HS6ST3: variants seen among roughly 807,000 people sequenced by gnomAD.
The protein encoded by HS6ST3 is heparan-sulfate 6-O-sulfotransferase 3.
A neutral mutation model predicts 36.7 loss-of-function variants in HS6ST3; 12 were observed. That is an observed-to-expected ratio of 0.33 (90% CI 0.21 to 0.53). HS6ST3 has a LOEUF of 0.53. Ranked by LOEUF, HS6ST3 falls within the 20% of genes least tolerant of loss-of-function variation. The probability of loss-of-function intolerance (pLI) is 0.95; values close to 1 mark genes in which losing one functional copy is unlikely to be tolerated. For synonymous variants in HS6ST3, 240 were observed against 257.5 expected (o/e 0.93, Z 0.65); for missense variants, 584 against 640.9 (o/e 0.91, Z 0.96).
chr13:96,804,618 A>AT (rs879622817), intron 1 of HS6ST3, among the ~76,000 whole-genome samples: 1,541 of 147,780 alleles, frequency 0.01, 19 homozygotes, highest in African/African-American at 0.033. Flanking sequence ...GCAAAGAATC[A>AT]TTTTTTTTTT....
intron 1 of HS6ST3, among the ~76,000 whole-genome samples, chr13:96,525,734 G>A (rs1003417187): frequency 6.6e-6 from 1 of 152,084 alleles, no homozygotes; most frequent in African/African-American, 2.4e-5. Context: ...GTACCTATTA[G>A]GAATGAACGT....
intron 1 of HS6ST3, among the ~76,000 whole-genome samples, chr13:96,368,479 G>A (rs1004905316): frequency 1.3e-5 from 2 of 150,924 alleles, no homozygotes; most frequent in African/African-American, 4.9e-5. Flanking sequence ...CCAGACTCTA[G>A]CCAGCAAGCC....
chr13:96,378,806 A>G (rs1355358263), intron 1 of HS6ST3, among the ~76,000 whole-genome samples: 1 of 152,128 alleles, frequency 6.6e-6, no homozygotes, highest in East Asian at 1.9e-4. Flanking sequence ...TAAAGCGGTG[A>G]CTTTTCTAAT....
chr13:96,285,501 T>C (rs1229223248), intron 1 of HS6ST3, among the ~76,000 whole-genome samples: 1 of 152,146 alleles, frequency 6.6e-6, no homozygotes, highest in East Asian at 1.9e-4. Flanking sequence ...GAATAGGGAA[T>C]TGGGCTCTTA....
chr13:96,392,456 A>G (rs2055400689), intron 1 of HS6ST3, among the ~76,000 whole-genome samples: 1 of 152,200 alleles, frequency 6.6e-6, no homozygotes, highest in Admixed American at 6.5e-5. Context: ...CAAACAGCAC[A>G]TGAAAAAGAG....
At chr13:96,265,037 C>G (rs187003047) in intron 1 of HS6ST3, among the ~76,000 whole-genome samples, 59 of 152,176 alleles carry the variant, frequency 3.9e-4, no homozygotes, top group Middle Eastern at 3.4e-3. Flanking sequence ...GTCTTAGAGT[C>G]CAACTTACTT....
At position 96,819,455 on chromosome 13, in the gene HS6ST3, G is replaced by GA. The variant is rs573818148; in HGVS notation, c.708-13028dup. On this transcript the variant is annotated intron_variant, in intron 1 of 1. Coordinates refer to ENST00000376705, the MANE Select transcript of HS6ST3 (RefSeq NM_153456.4). ...GTCTCCTTTTTCAGTTGATTTCAAA[G>GA]AAAAAAATGAGCTAATATCAGTGAA... is the stretch of plus-strand genomic sequence containing the variant. Among the ~76,000 whole-genome samples, 7 of 152,136 alleles carry GA rather than the reference G, an allele frequency of 4.6e-5. No homozygotes were observed. In the South Asian group the frequency reaches 1.0e-3, roughly 23 times the overall value.
intron 1 of HS6ST3, among the ~76,000 whole-genome samples, chr13:96,234,100 T>TAA (rs550848346): frequency 6.4e-5 from 9 of 139,702 alleles, no homozygotes; most frequent in South Asian, 4.5e-4. Flanking sequence ...TTTCATCTGT[T>TAA]AAAAAAAAAA....
chr13:96,723,087 A>G (rs1157428054), intron 1 of HS6ST3, among the ~76,000 whole-genome samples: 3 of 151,656 alleles, frequency 2.0e-5, no homozygotes, highest in Non-Finnish European at 4.4e-5. Context: ...TGTATACCCA[A>G]TGTCTCTGTT....
At chr13:96,693,257 T>G (rs924450526) in intron 1 of HS6ST3, among the ~76,000 whole-genome samples, 1 of 152,178 alleles carries the variant, frequency 6.6e-6, no homozygotes. Flanking sequence ...TAATGTTTGA[T>G]AGAAATAACT....
intron 1 of HS6ST3, among the ~76,000 whole-genome samples, chr13:96,683,778 C>A (rs1373949394): frequency 6.6e-6 from 1 of 152,014 alleles, no homozygotes; most frequent in African/African-American, 2.4e-5. Context: ...AGTCACATAG[C>A]ATAATAGAAG....
chr13:96,673,921 CTCTT>C (rs1225030818), intron 1 of HS6ST3, among the ~76,000 whole-genome samples: 1 of 151,680 alleles, frequency 6.6e-6, no homozygotes, highest in Non-Finnish European at 1.5e-5. Context: ...ATTTTTTCCC[CTCTT>C]TCTTTCATTT....
At position 96,302,815 on chromosome 13, in the gene HS6ST3, A is replaced by G. The variant is rs185375249; in HGVS notation, c.707+211246A>G. Among the ~76,000 whole-genome samples, 438 of 152,332 alleles carry G rather than the reference A, an allele frequency of 2.9e-3. 1 individual carries two copies. The highest frequency in any genetic ancestry group is 1.0e-2 in the African/African-American group (415 of 41,582). ...ACACTTTTTAAAAGTTTGCTAAGCT[A>G]GATGATTTATAGTGTGCTATCTCTT... On this transcript the variant is annotated intron_variant, in intron 1 of 1. Coordinates refer to ENST00000376705, the MANE Select transcript of HS6ST3 (RefSeq NM_153456.4).
chr13:96,481,964 C>T (rs1566373463), intron 1 of HS6ST3, among the ~76,000 whole-genome samples: 1 of 152,084 alleles, frequency 6.6e-6, no homozygotes, highest in Non-Finnish European at 1.5e-5. Flanking sequence ...GTCCTCTTCG[C>T]AACGTGCTCA....
intron 1 of HS6ST3, among the ~76,000 whole-genome samples, chr13:96,798,168 T>C (rs1193727139): frequency 6.6e-6 from 1 of 152,022 alleles, no homozygotes; most frequent in African/African-American, 2.4e-5. Flanking sequence ...ATGCAAGGCA[T>C]ATGGGAAGGG....
chr13:96,632,171 G>T (rs1270261679), intron 1 of HS6ST3, among the ~76,000 whole-genome samples: 1 of 152,122 alleles, frequency 6.6e-6, no homozygotes, highest in African/African-American at 2.4e-5. Flanking sequence ...CTGTGAGGAT[G>T]CAGCATTCAT....
intron 1 of HS6ST3, among the ~76,000 whole-genome samples, chr13:96,742,435 G>T (rs1279941322): frequency 1.3e-5 from 2 of 151,946 alleles, no homozygotes; most frequent in African/African-American, 4.8e-5. Context: ...CACATGAAAT[G>T]ACACCCCTAA....
intron 1 of HS6ST3, among the ~76,000 whole-genome samples, chr13:96,137,879 A>G (rs997658219): frequency 6.6e-6 from 1 of 152,200 alleles, no homozygotes; most frequent in African/African-American, 2.4e-5. Flanking sequence ...TCATTACTTA[A>G]TATTGTCATG....
At chr13:96,310,794 C>G (rs2054937054) in intron 1 of HS6ST3, among the ~76,000 whole-genome samples, 1 of 152,058 alleles carries the variant, frequency 6.6e-6, no homozygotes, top group South Asian at 2.1e-4. Flanking sequence ...TTGGGTTCTT[C>G]TCTTTTTCAG....
Sources: gnomAD v4.1 joint callset for allele counts (sites outside exome capture counted in the v4.1 genomes callset) on GRCh38, gnomAD v4.1.1 for gene constraint, MANE v1.5 for transcripts, NCBI Gene and HGNC (gene_info 2026-07-23, HGNC 2026-07-21) for gene names.